The following BCAS3 variants were observed in gnomAD, a reference collection of about 807,000 sequenced individuals.
The protein encoded by BCAS3 is BCAS3 microtubule associated cell migration factor.
Under a neutral mutation model 116.1 loss-of-function variants are expected in BCAS3, and 53 were observed. That is an observed-to-expected ratio of 0.46 (90% CI 0.37 to 0.57). The LOEUF (loss-of-function observed/expected upper bound fraction) is 0.57. Ranked by LOEUF, BCAS3 falls within the 20% of genes least tolerant of loss-of-function variation. The probability of loss-of-function intolerance (pLI) is 0.00; values close to 1 mark genes in which losing one functional copy is unlikely to be tolerated. For missense variants in BCAS3, 917 were observed against 1,165.4 expected (o/e 0.79, Z 3.10); for synonymous variants, 391 against 408.2 (o/e 0.96, Z 0.51).
intron 5 of BCAS3, among the ~76,000 whole-genome samples, chr17:60,723,091 A>G (rs2039425006): frequency 6.6e-6 from 1 of 152,148 alleles, no homozygotes; most frequent in Non-Finnish European, 1.5e-5. Context: ...ACTTCCAGAA[A>G]ATTTTATAAT....
In BCAS3 at chr17:61,203,900, G is replaced by T. The variant is rs2144295834; in HGVS notation, c.2425+119336G>T. 6.6e-6 allele frequency among the ~76,000 whole-genome samples: 1 copy of T among 152,308 alleles called. No individual in the cohort carries two copies. Among genetic ancestry groups the T allele is most frequent in the South Asian group, 2.1e-4 (1 of 4,828 alleles). On this transcript the variant is annotated intron_variant, in intron 22 of 23. Coordinates refer to ENST00000407086, the MANE Select transcript of BCAS3 (RefSeq NM_017679.5). The surrounding 1 kb of genome is among the most constrained non-coding windows in gnomAD (Gnocchi z 5.7). ...GCTATCAGAGCTCTGAAGTGACAGA[G>T]GCAAAGGGCAGAGAATGGAACCAAG... is the stretch of plus-strand genomic sequence containing the variant.
intron 6 of BCAS3, among the ~76,000 whole-genome samples, chr17:60,769,605 G>T (rs1235688299): frequency 6.6e-6 from 1 of 152,130 alleles, no homozygotes; most frequent in Non-Finnish European, 1.5e-5. Context: ...CAGCTAGGCA[G>T]GTGGTTGTGG....
intron 22 of BCAS3, among the ~76,000 whole-genome samples, chr17:61,160,285 A>ATT (rs112652484): frequency 6.7e-6 from 1 of 150,002 alleles, no homozygotes; most frequent in African/African-American, 2.4e-5. Flanking sequence ...GTCTGAGTTA[A>ATT]TTTTTTTTTT....
chr17:61,018,501 CA>C (rs1161352828), intron 16 of BCAS3, among the ~76,000 whole-genome samples: 1 of 151,904 alleles, frequency 6.6e-6, no homozygotes, highest in Non-Finnish European at 1.5e-5. Context: ...AGGGTTTCGC[CA>C]TGTTGGCTAG....
chr17:61,360,781 T>G (rs1255122555), intron 22 of BCAS3, among the ~76,000 whole-genome samples: 1 of 152,238 alleles, frequency 6.6e-6, no homozygotes, highest in Non-Finnish European at 1.5e-5. Context: ...GGACATATCT[T>G]TTGGGTGGCG....
chr17:60,829,763 A>G (rs779373179), intron 7 of BCAS3, among the ~76,000 whole-genome samples: 16 of 152,056 alleles, frequency 1.1e-4, no homozygotes, highest in Non-Finnish European at 1.9e-4. Flanking sequence ...TTATTGTTCC[A>G]TGAACCTTTA....
At chr17:61,342,445 C>G (rs768924431) in intron 22 of BCAS3, among the ~76,000 whole-genome samples, 1 of 152,164 alleles carries the variant, frequency 6.6e-6, no homozygotes, top group Non-Finnish European at 1.5e-5. Context: ...CGTGCCCAGC[C>G]TAGGGCCTGG....
chr17:60,705,454 C>A (rs1346594460), intron 4 of BCAS3, among the ~76,000 whole-genome samples: 1 of 144,798 alleles, frequency 6.9e-6, no homozygotes, highest in Non-Finnish European at 1.5e-5. Context: ...GGCGGAGTTT[C>A]AGTGAGCTGA....
chr17:60,860,661 G>A (rs1171254105), intron 7 of BCAS3, among the ~76,000 whole-genome samples: 1 of 152,152 alleles, frequency 6.6e-6, no homozygotes. Flanking sequence ...TTTGTATACA[G>A]TGGAAAGATT....
At chr17:61,236,716 T>C (rs2083091329) in intron 22 of BCAS3, among the ~76,000 whole-genome samples, 1 of 151,998 alleles carries the variant, frequency 6.6e-6, no homozygotes, top group Non-Finnish European at 1.5e-5. Context: ...AAGTAGTCAA[T>C]TGTAAATAGG....
intron 22 of BCAS3, among the ~76,000 whole-genome samples, chr17:61,331,291 G>A (rs2056268695): frequency 6.6e-6 from 1 of 151,960 alleles, no homozygotes; most frequent in Non-Finnish European, 1.5e-5. Flanking sequence ...CTTTCACAAA[G>A]CATGTGACAA....
At chr17:60,799,708 C>CTTTTTTTTTT (rs67510415) in intron 6 of BCAS3, among the ~76,000 whole-genome samples, 12 of 49,838 alleles carry the variant, frequency 2.4e-4, no homozygotes, top group African/African-American at 9.4e-4. Context: ...TTTTTCTTTT[C>CTTTTTTTTTT]TTTTTTTTTT....
intron 22 of BCAS3, among the ~76,000 whole-genome samples, chr17:61,266,751 G>T (rs1365472065): frequency 6.6e-6 from 1 of 152,108 alleles, no homozygotes; most frequent in African/African-American, 2.4e-5. Context: ...CCCATTTCGT[G>T]TTAGAAATTT....
chr17:60,862,953 C>G (rs2054283222), intron 7 of BCAS3, among the ~76,000 whole-genome samples: 1 of 152,036 alleles, frequency 6.6e-6, no homozygotes, highest in African/African-American at 2.4e-5. Context: ...TATTTTCATG[C>G]ATTTCTTTTT....
rs74506255 is a variant in BCAS3, at chr17:60,820,028, G to A, written c.476+11952G>A. Among the ~76,000 whole-genome samples the A allele has an allele frequency of 2.0e-3, 310 of 152,190 alleles. 2 individuals are homozygous for A. Among genetic ancestry groups the A allele is most frequent in the African/African-American group, 7.0e-3 (289 of 41,528 alleles). On this transcript the variant is annotated intron_variant, in intron 7 of 23. Coordinates refer to ENST00000407086, the MANE Select transcript of BCAS3 (RefSeq NM_017679.5). The stretch of plus-strand genomic sequence containing the variant: ...CAGGAACTGTGGCCTCTGGTGGATG[G>A]ATTTAGCCTATCTTCAGTAACCTGA...
chr17:61,289,193 G>C, intron 22 of BCAS3, among the ~76,000 whole-genome samples: 1 of 152,198 alleles, frequency 6.6e-6, no homozygotes, highest in Non-Finnish European at 1.5e-5. Flanking sequence ...TTACTTGGGA[G>C]AGAATGTACC....
At chr17:61,146,371 C>A (rs753555661) in intron 22 of BCAS3, among the ~76,000 whole-genome samples, 4 of 151,720 alleles carry the variant, frequency 2.6e-5, no homozygotes, top group Admixed American at 6.6e-5. Flanking sequence ...TCCCCCTCGG[C>A]CTCCTAAAGT....
At chr17:60,703,448 C>T (rs2036685898) in intron 4 of BCAS3, among the ~76,000 whole-genome samples, 1 of 150,356 alleles carries the variant, frequency 6.7e-6, no homozygotes, top group Non-Finnish European at 1.5e-5. Context: ...AATGTGGTGG[C>T]GTATGCTTGT....
In BCAS3 at chr17:60,874,682, A is replaced by G. The variant is rs1453475528; in HGVS notation, c.605A>G (p.Gln202Arg). ...CNKRILVVVL[Q>R]EKIAAFDSCT... ...TTTAGGATCCTTGTCGTAGTCTTGCAGGAGAAAATTGCTGCCTTTGATAGC... is the reference window on the plus strand; with the variant it reads ...TTTAGGATCCTTGTCGTAGTCTTGCGGGAGAAAATTGCTGCCTTTGATAGC... The change falls in exon 9 of 24, where the codon CAG (glutamine) becomes CGG (arginine). Residue 202 changes from glutamine to arginine, a missense_variant. By Grantham distance (43) the Gln-to-Arg change is conservative. This residue lies in a region of BCAS3 where 807 missense variants were observed against 1,026.0 expected (regional missense o/e 0.79). Transcript: ENST00000407086. The G allele has an allele frequency of 6.2e-7, 1 of 1,610,548 alleles. No individual in the cohort carries two copies. Among genetic ancestry groups the G allele is most frequent in the Non-Finnish European group, 8.5e-7 (1 of 1,178,172 alleles).
Sources: gnomAD v4.1 joint callset for allele counts (sites outside exome capture counted in the v4.1 genomes callset) on GRCh38, gnomAD v4.1.1 for gene constraint, gnomAD v4.1.1 regional missense constraint, Gnocchi (gnomAD v3.1) non-coding constraint, MANE v1.5 for transcripts, NCBI Gene and HGNC (gene_info 2026-07-23, HGNC 2026-07-21) for gene names.